Variants in YTHDC2 observed in about 807,000 individuals in gnomAD.
YTHDC2 encodes YTH N6-methyladenosine RNA binding protein C2, also known as 3'-5' RNA helicase YTHDC2.
A neutral mutation model predicts 174.9 loss-of-function variants in YTHDC2; 45 were observed. The ratio of observed to expected loss-of-function variants is 0.26; its 90% CI spans 0.20 to 0.33. YTHDC2 has a LOEUF of 0.33. Among genes scored for constraint, YTHDC2 ranks in the 10% least tolerant of loss-of-function variants. YTHDC2 has a pLI of 1.00. For missense variants in YTHDC2, 1,650 were observed against 1,723.7 expected (o/e 0.96, Z 0.76); for synonymous variants, 657 against 574.5 (o/e 1.14, Z -2.05).
chr5:113,521,812 C>G (rs1410958845), intron 2 of YTHDC2, among the ~76,000 whole-genome samples: 1 of 114,918 alleles, frequency 8.7e-6, no homozygotes, highest in African/African-American at 3.5e-5. Flanking sequence ...AAAAGCAAGA[C>G]TCTGTCTCAA....
intron 23 of YTHDC2, among the ~76,000 whole-genome samples, chr5:113,574,868 A>G (rs749902359): frequency 6.6e-6 from 1 of 152,192 alleles, no homozygotes; most frequent in African/African-American, 2.4e-5. Context: ...GATCTGTGGC[A>G]TGGGCTCACA....
chr5:113,559,557 A>G (rs1293601697), intron 17 of YTHDC2, among the ~76,000 whole-genome samples: 1 of 152,208 alleles, frequency 6.6e-6, no homozygotes, highest in Non-Finnish European at 1.5e-5. Context: ...AAGAAATCTC[A>G]TTTGTGCCCT....
At chr5:113,546,889 T>A (rs891026138) in intron 10 of YTHDC2, among the ~76,000 whole-genome samples, 1 of 152,182 alleles carries the variant, frequency 6.6e-6, no homozygotes, top group African/African-American at 2.4e-5. Context: ...TAGCCATGAG[T>A]TCTTGTCAAC....
intron 26 of YTHDC2, among the ~76,000 whole-genome samples, chr5:113,587,722 A>T (rs1778771676): frequency 6.6e-6 from 1 of 150,778 alleles, no homozygotes; most frequent in Non-Finnish European, 1.5e-5. Flanking sequence ...TATCTTCTTC[A>T]ATATTATTTT....
At chr5:113,529,660 A>G (rs1356697446) in intron 4 of YTHDC2, among the ~76,000 whole-genome samples, 1 of 151,980 alleles carries the variant, frequency 6.6e-6, no homozygotes, top group Admixed American at 6.5e-5. Flanking sequence ...TTTATCTTCT[A>G]TGAGTTCCTT....
chr5:113,547,045 C>T (rs763712648), intron 10 of YTHDC2, among the ~76,000 whole-genome samples: 7 of 152,150 alleles, frequency 4.6e-5, no homozygotes, highest in African/African-American at 1.7e-4. Context: ...CCACCTCTTT[C>T]ACGTTATTCT....
At chr5:113,559,203 G>C (rs897093677) in intron 17 of YTHDC2, among the ~76,000 whole-genome samples, 2 of 151,766 alleles carry the variant, frequency 1.3e-5, no homozygotes, top group African/African-American at 4.8e-5. Context: ...GAAGTATAAG[G>C]GGTCTTCAAA....
intron 2 of YTHDC2, among the ~76,000 whole-genome samples, chr5:113,521,869 C>T (rs968884760): frequency 1.4e-5 from 2 of 146,726 alleles, no homozygotes; most frequent in African/African-American, 2.5e-5. Context: ...TTACTATAGG[C>T]ATAGTGACCA....
At chr5:113,553,051 CAT>C in intron 12 of YTHDC2, 128 bp from the exon 13 acceptor site, 1 of 886,484 alleles carries the variant, frequency 1.1e-6, no homozygotes, top group South Asian at 2.8e-5. Flanking sequence ...AAACATGAAT[CAT>C]ATTATAGCTA....
Position 113,584,400 on chromosome 5 carries a change from A to G in YTHDC2, c.3746A>G (p.Asp1249Gly), listed in dbSNP as rs760612586. ...HPKRGTEDRSDQSSLKSTDSS... is the reference protein window; with the variant it reads ...HPKRGTEDRSGQSSLKSTDSS... ...AAACGAGGTACTGAGGACCGATCAGATCAGTCTTCTCTGAAATCTACAGAC... is the reference window on the plus strand; with the variant it reads ...AAACGAGGTACTGAGGACCGATCAGGTCAGTCTTCTCTGAAATCTACAGAC... The change falls in exon 26 of 30, where the codon GAT becomes GGT. Residue 1249 changes from aspartate to glycine, a missense_variant. By Grantham distance (94) the Asp-to-Gly change is moderately conservative. Coordinates refer to ENST00000161863, the MANE Select transcript of YTHDC2 (RefSeq NM_022828.5). 1.2e-6 allele frequency: 2 copies of G among 1,613,992 alleles called. No individual in the cohort carries two copies. Among genetic ancestry groups the G allele is most frequent in the Non-Finnish European group, 1.7e-6 (2 of 1,179,916 alleles).
At chr5:113,593,172 A>G in intron 28 of YTHDC2, 131 bp from the exon 29 acceptor site, 1 of 633,150 alleles carries the variant, frequency 1.6e-6, no homozygotes, top group Non-Finnish European at 2.7e-6. Context: ...ATACCAGATG[A>G]TTTTAGCATA....
At position 113,584,453 on chromosome 5, in the gene YTHDC2, A is replaced by C. The variant is rs1778567411; in HGVS notation, c.3799A>C (p.Ser1267Arg). 6.2e-7 allele frequency: 1 copy of C among 1,612,778 alleles called. No homozygotes were observed. Among genetic ancestry groups the C allele is most frequent in the African/African-American group, 1.3e-5 (1 of 74,904 alleles). ...DSSSYPSPCA[S>R]PSPPSSGKGS... ...CAGTAGTTACCCAAGTCCTTGTGCT[A>C]GTCCTTCTCCTCCATCCTCAGGAAA... The change falls in exon 26 of 30, where the codon AGT (serine) becomes CGT (arginine). Residue 1267 changes from serine to arginine, a missense_variant. Around this residue, in one of 5 missense-constraint regions of YTHDC2, gnomAD observed 913 missense variants for 940.4 expected, o/e 0.97. Coordinates refer to ENST00000161863, the MANE Select transcript of YTHDC2 (RefSeq NM_022828.5).
chr5:113,537,542 C>CTT (rs373728751), intron 7 of YTHDC2, among the ~76,000 whole-genome samples: 2 of 144,230 alleles, frequency 1.4e-5, no homozygotes, highest in Non-Finnish European at 1.5e-5. Context: ...GATCCGTTTC[C>CTT]TTTTTTTTTT....
intron 1 of YTHDC2, among the ~76,000 whole-genome samples, chr5:113,514,647 T>C (rs1773276824): frequency 6.6e-6 from 1 of 152,168 alleles, no homozygotes; most frequent in African/African-American, 2.4e-5. Context: ...GTGCAGTCTG[T>C]TGAGGGCTCA....
chr5:113,532,837 T>A (rs746470523), intron 4 of YTHDC2, 42 bp from the exon 5 acceptor site: 3 of 1,554,586 alleles, frequency 1.9e-6, no homozygotes, highest in Non-Finnish European at 2.6e-6. Context: ...TTTTGTATTA[T>A]GTGATCATGT....
At chr5:113,590,642 C>G (rs1277697615) in intron 26 of YTHDC2, among the ~76,000 whole-genome samples, 1 of 152,202 alleles carries the variant, frequency 6.6e-6, no homozygotes, top group Non-Finnish European at 1.5e-5. Flanking sequence ...ACTCCAGTGT[C>G]TTTCTGCACA....
rs146990185 is a variant in YTHDC2, at chr5:113,534,379, C to T, written c.917C>T (p.Thr306Met). The T allele has an allele frequency of 1.9e-5, 31 of 1,611,366 alleles. No individual in the cohort carries two copies. The highest frequency in any genetic ancestry group is 1.7e-4 in the African/African-American group (13 of 74,790). The change falls in exon 6 of 30, where the codon ACG becomes ATG. Residue 306 changes from threonine to methionine, a missense_variant. This residue lies in a region of YTHDC2 where 411 missense variants were observed against 380.6 expected (regional missense o/e 1.08). Coordinates refer to ENST00000161863, the MANE Select transcript of YTHDC2 (RefSeq NM_022828.5). ...LLRTLMAGDS[T>M]LSTVTHVIVD... ...CGTACATTGATGGCAGGAGATAGTA[C>T]GTTGTCGACTGTGACACATGTTATC...
At chr5:113,554,208 A>G (rs758406407) in intron 16 of YTHDC2, among the ~76,000 whole-genome samples, 186 bp downstream of exon 16, 1 of 152,070 alleles carries the variant, frequency 6.6e-6, no homozygotes, top group Non-Finnish European at 1.5e-5. Flanking sequence ...AATTTAACAT[A>G]CTAAATATTG....
chr5:113,544,480 C>T (rs1775715520), intron 10 of YTHDC2, among the ~76,000 whole-genome samples: 1 of 152,102 alleles, frequency 6.6e-6, no homozygotes, highest in South Asian at 2.1e-4. Flanking sequence ...AGCATCTTTA[C>T]CACATGATAA....
Sources: gnomAD v4.1 joint callset for allele counts (sites outside exome capture counted in the v4.1 genomes callset) on GRCh38, gnomAD v4.1.1 for gene constraint, gnomAD v4.1.1 regional missense constraint, MANE v1.5 for transcripts, NCBI Gene and HGNC (gene_info 2026-07-23, HGNC 2026-07-21) for gene names.